The following SLC12A3 variants were observed in gnomAD, a reference collection of about 807,000 sequenced individuals.
SLC12A3 encodes solute carrier family 12 member 3, also known as Na-Cl cotransporter.
Under a neutral mutation model 121.0 loss-of-function variants are expected in SLC12A3, and 104 were observed. The observed-to-expected ratio is 0.86, with a 90% CI of 0.73 to 1.01. SLC12A3 has a LOEUF of 1.01. SLC12A3 is among the 50% of genes least tolerant of loss of function. The probability of loss-of-function intolerance (pLI) is 0.00; values close to 1 mark genes in which losing one functional copy is unlikely to be tolerated. For missense variants in SLC12A3, 1,328 were observed against 1,356.3 expected, an observed-to-expected ratio of 0.98 and a Z score of 0.33; for synonymous variants, 536 against 533.4, an observed-to-expected ratio of 1.00 and a Z score of -0.07.
At position 56,894,554 on chromosome 16, in the gene SLC12A3, C is replaced by T; in HGVS notation, c.2545C>T (p.Leu849Phe). The stretch of plus-strand genomic sequence containing the variant: ...AGGCCTCACCCTCCTCATTCCCTAT[C>T]TCCTTGGCCGCAAGAGGAGGTGGAG... ...DGGLTLLIPY[L>F]LGRKRRWSKC... The change falls in exon 22 of 26, where the codon CTC becomes TTC. Residue 849 changes from leucine (L) to phenylalanine (F), a missense_variant. Transcript: ENST00000563236. The T allele has an allele frequency of 3.1e-6, 5 of 1,613,892 alleles. No homozygotes were observed. The South Asian group carries it at 4.4e-5, about 14-fold the overall frequency.
At chr16:56,887,582 T>C (rs1355901532) in intron 17 of SLC12A3, among the ~76,000 whole-genome samples, 4 of 151,556 alleles carry the variant, frequency 2.6e-5, no homozygotes, top group African/African-American at 9.7e-5. Context: ...CCTGGGAAAC[T>C]GACTTGGAAG....
rs13306671 is a variant in SLC12A3 at position 56,886,656 on chromosome 16, G to A, written c.2037+181G>A. ...TGTCCACCCACAGAGTGGGGGCCGA[G>A]GGGATGCGGAGCAAGGGGCACCCAG... On this transcript the variant is annotated intron_variant, in intron 16 of 25. Transcript: ENST00000563236. 0.064 allele frequency among the ~76,000 whole-genome samples: 9,799 copies of A among 152,154 alleles called. 503 individuals carry two copies. Among genetic ancestry groups the A allele is most frequent in the East Asian group, 0.26 (1,310 of 5,130 alleles).
chr16:56,883,279 C>CTTTTT lies in SLC12A3; in HGVS notation c.1670-755_1670-751dup, dbSNP rs71152216. On this transcript the variant is annotated intron_variant, in intron 13 of 25. Transcript: ENST00000563236. ...GAGGCTTGAGGAAGACTTTTTCTTT[C>CTTTTT]TTTTTTTTTTTTTTTTTTTGAGACG... Among the ~76,000 whole-genome samples, 94 of 119,504 alleles carry CTTTTT rather than the reference C, an allele frequency of 7.9e-4. 1 individual carries two copies. Among genetic ancestry groups the CTTTTT allele is most frequent in the Middle Eastern group, 8.8e-3 (2 of 228 alleles). 78.4% of individuals were successfully genotyped at this position (119,504 alleles called of 152,430 possible).
At chr16:56,885,554 G>T (rs1405702962) in intron 15 of SLC12A3, among the ~76,000 whole-genome samples, 190 bp downstream of exon 15, 1 of 152,136 alleles carries the variant, frequency 6.6e-6, no homozygotes, top group Non-Finnish European at 1.5e-5. Context: ...ATCCTGATGG[G>T]GACCAAGCAA....
Position 56,876,030 on chromosome 16 carries a change from G to A in SLC12A3, c.1096-2047G>A, listed in dbSNP as rs75635496. ...TCCCCGTTCAGGAGGCTAAAAGTCC[G>A]GGATCCAGGTGTCAGCAGGACCAAG... On this transcript the variant is annotated intron_variant, in intron 8 of 25. Coordinates refer to ENST00000563236, the MANE Select transcript of SLC12A3 (RefSeq NM_001126108.2). Among the ~76,000 whole-genome samples, 41 of 152,054 alleles carry A rather than the reference G, an allele frequency of 2.7e-4. No homozygotes were observed. In the East Asian group the frequency reaches 7.5e-3, roughly 28 times the overall value.
At position 56,885,256 on chromosome 16, in the gene SLC12A3, C is replaced by T. The variant is rs1321335337; in HGVS notation, c.1826-9C>T. 11 of 1,531,528 alleles carry T rather than the reference C, an allele frequency of 7.2e-6. No homozygotes were observed. Among genetic ancestry groups the T allele is most frequent in the African/African-American group, 2.8e-5 (2 of 72,602 alleles). 94.9% of individuals were successfully genotyped at this position (1,531,528 alleles called of 1,614,324 possible). On this transcript the variant is annotated splice_polypyrimidine_tract_variant and intron_variant, in intron 14 of 25. Transcript: ENST00000563236. The stretch of plus-strand genomic sequence containing the variant: ...TGCTCTCACCCCCGTTGCTCCCTTG[C>T]TCTCCCAGAGGTAAATTGGGGCTCC...
intron 23 of SLC12A3, chr16:56,902,167 G>A: frequency 1.6e-6 from 1 of 623,154 alleles, no homozygotes; most frequent in Non-Finnish European, 2.9e-6. Flanking sequence ...GTGGTTGTGG[G>A]CAACTTGTGA....
In SLC12A3 at chr16:56,867,061, G is replaced by T. The variant is rs1307488066; in HGVS notation, c.283-9G>T. 6.2e-7 allele frequency: 1 copy of T among 1,611,244 alleles called. No homozygotes were observed. The highest frequency in any genetic ancestry group is 1.3e-5 in the African/African-American group (1 of 75,056). ...CTACCTGCCTGACTTGTGGTCTCTG[G>T]GCTGCCAGCAGGAAGGCAGACACCT... On this transcript the variant is annotated splice_polypyrimidine_tract_variant and intron_variant, in intron 1 of 25. Coordinates refer to ENST00000563236, the MANE Select transcript of SLC12A3 (RefSeq NM_001126108.2).
intron 25 of SLC12A3, chr16:56,904,985 G>A: frequency 9.0e-6 from 2 of 222,038 alleles, no homozygotes; most frequent in Non-Finnish European, 1.8e-5. Flanking sequence ...ATGTGGGATG[G>A]AAGGTGAGAG....
chr16:56,884,135 T>G lies in SLC12A3; in HGVS notation c.1756T>G (p.Trp586Gly), dbSNP rs776260316. 6.2e-7 allele frequency: 1 copy of G among 1,614,192 alleles called. No individual in the cohort carries two copies. The highest frequency in any genetic ancestry group is 2.2e-5 in the East Asian group (1 of 44,888). Residue 586 changes from tryptophan to glycine, a missense_variant, in exon 14 of 26, where the codon TGG becomes GGG. Transcript: ENST00000563236. ...CGTGGTCATCATGTTCCTCCTCACC[T>G]GGTGGGCGGCCCTCATCGCCATTGG... Reference protein sequence around the residue: ...ISVVIMFLLTWWAALIAIGVV... With the variant: ...ISVVIMFLLTGWAALIAIGVV...
At chr16:56,872,611 C>T (rs1450165212) in intron 7 of SLC12A3, 45 bp from the exon 8 acceptor site, 1 of 1,613,960 alleles carries the variant, frequency 6.2e-7, no homozygotes, top group Non-Finnish European at 8.5e-7. Flanking sequence ...CAAGGGGGGT[C>T]AAGCCCTCCA....
intron 3 of SLC12A3, 113 bp downstream of exon 3, chr16:56,868,485 G>A (rs1157221613): frequency 3.7e-6 from 4 of 1,067,982 alleles, no homozygotes; most frequent in Non-Finnish European, 5.6e-6. Flanking sequence ...AACTTGAGGT[G>A]CAGAGACCAA....
chr16:56,876,952 T>C (rs2055171443), intron 8 of SLC12A3, among the ~76,000 whole-genome samples: 1 of 152,202 alleles, frequency 6.6e-6, no homozygotes, highest in South Asian at 2.1e-4. Flanking sequence ...GGCCCAGAGC[T>C]GTGTCCTCCT....
chr16:56,878,286 T>C (rs2055192758), intron 9 of SLC12A3, 125 bp downstream of exon 9: 2 of 755,404 alleles, frequency 2.6e-6, no homozygotes, highest in Admixed American at 4.0e-5. Flanking sequence ...CAGGGAGAGC[T>C]GGGCTGGGAG....
chr16:56,911,296 T>C (rs1200642132), intron 25 of SLC12A3, among the ~76,000 whole-genome samples: 1 of 146,936 alleles, frequency 6.8e-6, no homozygotes, highest in African/African-American at 2.5e-5. Flanking sequence ...CCTTCCCTAA[T>C]TTTTGAGACC....
chr16:56,870,796 C>A (rs1312358969), intron 6 of SLC12A3, 60 bp downstream of exon 6: 1 of 994,060 alleles, frequency 1.0e-6, no homozygotes, highest in East Asian at 2.4e-5. Flanking sequence ...CGGGGGTTGC[C>A]AGGCCTGGGC....
intron 23 of SLC12A3, among the ~76,000 whole-genome samples, chr16:56,900,132 C>G (rs2055518357): frequency 6.6e-6 from 1 of 152,106 alleles, no homozygotes. Flanking sequence ...GACCTCCTAG[C>G]CCTAACTTTT....
rs1394312506 is a variant in SLC12A3 at position 56,902,623 on chromosome 16, TCCGG to T, written c.2856+118_2856+121del. Reference sequence around the variant, plus strand: ...CTCGATCCTCCACCCTGCCTTCCACTCCGGCCCCTGAGGTATCCTCAAGCCACAG... The same window carrying T: ...CTCGATCCTCCACCCTGCCTTCCACTCCCCTGAGGTATCCTCAAGCCACAG... On this transcript the variant is annotated intron_variant, in intron 24 of 25. Coordinates refer to ENST00000563236, the MANE Select transcript of SLC12A3 (RefSeq NM_001126108.2). 16 of 1,310,292 alleles carry T rather than the reference TCCGG, an allele frequency of 1.2e-5. No homozygotes were observed. The Admixed American group carries it at 3.1e-4, about 26-fold the overall frequency. 81.2% of individuals were successfully genotyped at this position (1,310,292 alleles called of 1,614,324 possible).
intron 6 of SLC12A3, among the ~76,000 whole-genome samples, chr16:56,871,699 A>T (rs529898391): frequency 6.6e-6 from 1 of 152,130 alleles, no homozygotes; most frequent in East Asian, 1.9e-4. Context: ...AGTCCCCATC[A>T]CACTCCCTCT....
Sources: allele counts gnomAD v4.1 joint callset (sites outside exome capture counted in the v4.1 genomes callset), GRCh38; gene constraint gnomAD v4.1.1; transcripts MANE v1.5; gene names NCBI Gene and HGNC (gene_info 2026-07-23, HGNC 2026-07-21).